GOLGB1: variants seen among roughly 807,000 people sequenced by gnomAD.
The protein encoded by GOLGB1 is golgin B1, also known as golgin subfamily B member 1.
Under a neutral mutation model 336.9 loss-of-function variants are expected in GOLGB1, and 174 were observed. That is an observed-to-expected ratio of 0.52 (90% CI 0.46 to 0.59). The LOEUF (loss-of-function observed/expected upper bound fraction) is 0.59, where lower values mean the gene tolerates loss of function less well. GOLGB1 is among the 20% of genes least tolerant of loss of function. GOLGB1 has a pLI of 0.00. For missense variants in GOLGB1, 3,331 were observed against 3,645.3 expected, an observed-to-expected ratio of 0.91 and a Z score of 2.22; for synonymous variants, 1,208 against 1,289.2, an observed-to-expected ratio of 0.94 and a Z score of 1.35.
chr3:121,722,268 A>AGCTT lies in GOLGB1; in HGVS notation c.638_641dup (p.Ala215SerfsTer19). On this transcript the variant is annotated frameshift_variant, in exon 6 of 22. Coordinates refer to ENST00000614479, the MANE Select transcript of GOLGB1 (RefSeq NM_001366282.2). LOFTEE classifies it high-confidence loss of function. Reference sequence around the variant, plus strand: ...AATTTTGTGAGGTCCCTACCTGTGCAGCTTGCTCTGCCTGTGTCTGGCTGA... The same window carrying AGCTT: ...AATTTTGTGAGGTCCCTACCTGTGCAGCTTGCTTGCTCTGCCTGTGTCTGGCTGA... 6.3e-7 allele frequency: 1 copy of AGCTT among 1,587,462 alleles called. No individual in the cohort carries two copies. Among genetic ancestry groups the AGCTT allele is most frequent in the Middle Eastern group, 1.7e-4 (1 of 5,986 alleles).
chr3:121,694,154 T>C lies in GOLGB1; in HGVS notation c.6369A>G (p.Gln2123=), dbSNP rs115711820. 2.8e-4 allele frequency: 445 copies of C among 1,613,814 alleles called. 1 individual carries two copies. The African/African-American group carries it at 5.6e-3, about 20-fold the overall frequency. Residue 2123 remains glutamine, a synonymous_variant, in exon 13 of 22, where the codon CAA becomes CAG. Coordinates refer to ENST00000614479, the MANE Select transcript of GOLGB1 (RefSeq NM_001366282.2). ...GTCTTCGCTCAAGATCTTCATCCTT[T>C]TGTTTCATCTGGCTTTTAACTGATT... ...NKESVKSQMK[Q]KDEDLERRLE...
chr3:121,722,194 G>T, intron 6 of GOLGB1, 68 bp downstream of exon 6: 2 of 843,168 alleles, frequency 2.4e-6, no homozygotes, highest in Admixed American at 2.0e-5. Context: ...GTGACTCACT[G>T]AATTGACTTG....
intron 1 of GOLGB1, among the ~76,000 whole-genome samples, chr3:121,741,661 C>T (rs1339455462): frequency 1.3e-5 from 2 of 152,018 alleles, no homozygotes; most frequent in Non-Finnish European, 2.9e-5. Flanking sequence ...TTAAGAACCC[C>T]GAAATACAAA....
rs774500210 is a variant in GOLGB1 at position 121,677,270 on chromosome 3, A to G, written c.9039+15T>C. 1 of 1,573,262 alleles carries G rather than the reference A, an allele frequency of 6.4e-7. No homozygotes were observed. The highest frequency in any genetic ancestry group is 1.1e-5 in the South Asian group (1 of 87,788). On this transcript the variant is annotated intron_variant, in intron 16 of 21. Transcript: ENST00000614479. Reference sequence around the variant, plus strand: ...AATTTATCTCTGAGTAACAATCAGCATTGAAATTACTCACCTGTCTTTGGT... The same window carrying G: ...AATTTATCTCTGAGTAACAATCAGCGTTGAAATTACTCACCTGTCTTTGGT...
chr3:121,727,291 CACATATATATATATAT>C (rs1394087726), intron 4 of GOLGB1, among the ~76,000 whole-genome samples: 131 of 51,100 alleles, frequency 2.6e-3, no homozygotes, highest in Non-Finnish European at 4.1e-3. Flanking sequence ...TACACACACA[CACATATATATATATAT>C]ATATATATAT....
chr3:121,715,083 T>C (rs572800890), intron 9 of GOLGB1, 107 bp from the exon 10 acceptor site: 4 of 620,288 alleles, frequency 6.4e-6, no homozygotes, highest in South Asian at 4.0e-5. Flanking sequence ...TTAGTTTCCT[T>C]AGTTAAAATT....
At chr3:121,690,611 A>G (rs2107772366) in intron 14 of GOLGB1, 59 bp downstream of exon 14, 1 of 852,544 alleles carries the variant, frequency 1.2e-6, no homozygotes, top group East Asian at 2.8e-5. Context: ...ATAAAAATAA[A>G]TTTAAAGAAA....
chr3:121,673,877 T>C (rs1054158966), intron 17 of GOLGB1, among the ~76,000 whole-genome samples: 3 of 152,082 alleles, frequency 2.0e-5, no homozygotes, highest in Admixed American at 6.5e-5. Flanking sequence ...TGCACCACCA[T>C]GGCTGGCTAA....
chr3:121,664,449 A>G lies in GOLGB1; in HGVS notation c.*31T>C, dbSNP rs777890748. 1.3e-6 allele frequency: 2 copies of G among 1,594,430 alleles called. No homozygotes were observed. Among genetic ancestry groups the G allele is most frequent in the Non-Finnish European group, 1.7e-6 (2 of 1,162,286 alleles). ...AGAGGTGAGAGAATTCCAAGTTTTG[A>G]GGGGAGTGGTCCAAAGAGTAACAAC... is the stretch of plus-strand genomic sequence containing the variant. On this transcript the variant is annotated 3_prime_UTR_variant, in exon 22 of 22. Transcript: ENST00000614479.
rs1938251268 is a variant in GOLGB1 at position 121,664,018 on chromosome 3, T to C, written c.*462A>G. ...AGGTGACATGTTCATTTCCCTGAAC[T>C]CTGTTTATGGCAGAGCCACCTTCCC... On this transcript the variant is annotated 3_prime_UTR_variant, in exon 22 of 22. Transcript: ENST00000614479. 5.8e-6 allele frequency: 1 copy of C among 171,040 alleles called. No homozygotes were observed. The highest frequency in any genetic ancestry group is 1.3e-5 in the Non-Finnish European group (1 of 77,984). The allele number at this position is 171,040 out of a possible 1,614,324, so 10.6% of individuals were successfully genotyped here. A position where few individuals can be genotyped will look rare whatever the true frequency, so the allele number is the denominator to read the frequency against.
chr3:121,663,701 T>G lies in GOLGB1; in HGVS notation c.*779A>C, dbSNP rs1938214746. 6.6e-6 allele frequency: 1 copy of G among 152,126 alleles called. No homozygotes were observed. The highest frequency in any genetic ancestry group is 1.5e-5 in the Non-Finnish European group (1 of 68,008). The allele number at this position is 152,126 out of a possible 1,614,324, so 9.4% of individuals were successfully genotyped here. A position where few individuals can be genotyped will look rare whatever the true frequency, so the allele number is the denominator to read the frequency against. On this transcript the variant is annotated 3_prime_UTR_variant, in exon 22 of 22. Transcript: ENST00000614479. ...TCCACATTCCAGGAATATTCAGATA[T>G]TCCTGGAATGACAAGAATTGGAACC...
chr3:121,664,553 A>G lies in GOLGB1; in HGVS notation c.9722T>C (p.Val3241Ala). The change falls in exon 22 of 22, where the codon GTG becomes GCG. Residue 3241 changes from valine to alanine, a missense_variant. By Grantham distance (64) the Val-to-Ala change is moderately conservative. Coordinates refer to ENST00000614479, the MANE Select transcript of GOLGB1 (RefSeq NM_001366282.2). ...LRSLCHSRTR[V>A]PLLAAIYFLM... ...AAAGTAGATGGCTGCTAGAAGTGGCACTCGGGTCCGTGAATGACAGAGTGA... is the reference window on the plus strand; with the variant it reads ...AAAGTAGATGGCTGCTAGAAGTGGCGCTCGGGTCCGTGAATGACAGAGTGA... The G allele has an allele frequency of 1.2e-6, 2 of 1,613,596 alleles. No homozygotes were observed. The highest frequency in any genetic ancestry group is 1.7e-6 in the Non-Finnish European group (2 of 1,179,506).
At chr3:121,672,335 G>GA (rs1050451980) in intron 17 of GOLGB1, among the ~76,000 whole-genome samples, 17 of 152,194 alleles carry the variant, frequency 1.1e-4, no homozygotes, top group African/African-American at 3.6e-4. Context: ...GCAAAGGTGA[G>GA]ATGACATCTC....
chr3:121,722,411 A>C (rs766631909), intron 5 of GOLGB1, 33 bp from the exon 6 acceptor site: 1 of 1,160,516 alleles, frequency 8.6e-7, no homozygotes, highest in Non-Finnish European at 1.3e-6. Flanking sequence ...AGGAAAAAAA[A>C]TTATTTAAGC....
chr3:121,737,522 G>A (rs1946560613), intron 1 of GOLGB1, among the ~76,000 whole-genome samples: 1 of 151,566 alleles, frequency 6.6e-6, no homozygotes, highest in South Asian at 2.1e-4. Flanking sequence ...GTGGTGGCAC[G>A]TGCCTGTAAT....
Position 121,681,829 on chromosome 3 carries a change from G to T in GOLGB1, c.8731C>A (p.Gln2911Lys). Reference sequence around the variant, plus strand: ...AACTCAGTGATCTCTTGATTAATCTGTAAGTATTGCTGCTGCAGATTCTTC... The same window carrying T: ...AACTCAGTGATCTCTTGATTAATCTTTAAGTATTGCTGCTGCAGATTCTTC... The part of the protein sequence containing the change: ...ELKNLQQQYL[Q>K]INQEITELHP... The change falls in exon 15 of 22, where the codon CAG becomes AAG. Residue 2911 changes from glutamine (Q) to lysine (K), a missense_variant. Coordinates refer to ENST00000614479, the MANE Select transcript of GOLGB1 (RefSeq NM_001366282.2). 1 of 1,606,682 alleles carries T rather than the reference G, an allele frequency of 6.2e-7. No individual in the cohort carries two copies. The highest frequency in any genetic ancestry group is 8.5e-7 in the Non-Finnish European group (1 of 1,174,236).
chr3:121,726,433 C>CAAAAAAAAAAAAAAAAAAAAAAAAAAAA (rs10547964), intron 5 of GOLGB1, among the ~76,000 whole-genome samples: 10 of 61,418 alleles, frequency 1.6e-4, no homozygotes, highest in African/African-American at 2.1e-4. Flanking sequence ...CACCCTGTCT[C>CAAAAAAAAAAAAAAAAAAAAAAAAAAAA]AAAAAAAAAA....
chr3:121,677,254 C>G, intron 16 of GOLGB1, 31 bp downstream of exon 16: 3 of 1,511,684 alleles, frequency 2.0e-6, no homozygotes, highest in Non-Finnish European at 2.7e-6. Context: ...AAATTTATCT[C>G]TGAGTAACAA....
In GOLGB1 at chr3:121,719,626, A is replaced by G. The variant is rs766954199; in HGVS notation, c.771+20T>C. ...TATTAACCAAAATGACAGTCATTCT[A>G]CCGAGTTTTAGCAACACACCTGTTG... On this transcript the variant is annotated intron_variant, in intron 7 of 21. Coordinates refer to ENST00000614479, the MANE Select transcript of GOLGB1 (RefSeq NM_001366282.2). 1.3e-6 allele frequency: 2 copies of G among 1,586,396 alleles called. No homozygotes were observed. Among genetic ancestry groups the G allele is most frequent in the South Asian group, 1.1e-5 (1 of 87,456 alleles).
Sources: gnomAD v4.1 joint callset for allele counts (sites outside exome capture counted in the v4.1 genomes callset) on GRCh38, gnomAD v4.1.1 for gene constraint, MANE v1.5 for transcripts, NCBI Gene and HGNC (gene_info 2026-07-23, HGNC 2026-07-21) for gene names.